FAM186A: variants seen among roughly 807,000 people sequenced by gnomAD.
FAM186A encodes the protein family with sequence similarity 186 member A.
Under a neutral mutation model 216.8 loss-of-function variants are expected in FAM186A, and 163 were observed. The ratio of observed to expected loss-of-function variants is 0.75; its 90% CI spans 0.66 to 0.86. The LOEUF (loss-of-function observed/expected upper bound fraction) is 0.86, where lower values mean the gene tolerates loss of function less well. Ranked by LOEUF, FAM186A falls within the 40% of genes least tolerant of loss-of-function variation. The pLI, the probability that FAM186A is intolerant of heterozygous loss-of-function variation, is 0.00. For missense variants in FAM186A, 2,184 were observed against 2,746.2 expected (o/e 0.80, Z 4.58); for synonymous variants, 805 against 1,025.3 (o/e 0.79, Z 4.10).
rs1333996183 is a variant in FAM186A at position 50,331,723 on chromosome 12, G to T, written c.6795C>A (p.Phe2265Leu). Residue 2265 changes from phenylalanine (F) to leucine (L), a missense_variant, in exon 6 of 8, where the codon TTC (phenylalanine) becomes TTA (leucine). Physicochemically the swap from Phe to Leu is conservative, Grantham distance 22. Coordinates refer to ENST00000327337, the MANE Select transcript of FAM186A (RefSeq NM_001145475.3). The stretch of plus-strand genomic sequence containing the variant: ...TGTCCTCTTCCATTAGTAATTTTAA[G>T]AATGGCTTTTGAACAAATGTGGTAG... ...PASTTFVQKP[F>L]LKLLMEEDRT... The T allele has an allele frequency of 3.9e-6, 6 of 1,549,296 alleles. No individual in the cohort carries two copies. Among genetic ancestry groups the T allele is most frequent in the Admixed American group, 2.0e-5 (1 of 50,316 alleles).
At position 50,350,995 on chromosome 12, in the gene FAM186A, C is replaced by A. The variant is rs1292282006; in HGVS notation, c.5837G>T (p.Ser1946Ile). Residue 1946 changes from serine (S) to isoleucine (I), a missense_variant, in exon 4 of 8, where the codon AGT (serine) becomes ATT (isoleucine). Physicochemically the swap from Ser to Ile is moderately radical, Grantham distance 142. Transcript: ENST00000327337. ...TTTCTTAGCAACAGAAGGGGACCAA[C>A]TTTTCTGGGGCTTTCCAGGGGCTGG... ...PSPAPGKPQK[S>I]WSPSVAKKRL... 1.9e-6 allele frequency: 3 copies of A among 1,551,428 alleles called. No individual in the cohort carries two copies. The Admixed American group carries it at 5.9e-5, about 30-fold the overall frequency.
chr12:50,372,849 C>G (rs1326251436), intron 1 of FAM186A, among the ~76,000 whole-genome samples: 1 of 144,984 alleles, frequency 6.9e-6, no homozygotes, highest in African/African-American at 2.6e-5. Context: ...TACTGTGAGC[C>G]GAGATGGTGC....
At chr12:50,364,500 G>C (rs972204308) in intron 1 of FAM186A, among the ~76,000 whole-genome samples, 1 of 151,900 alleles carries the variant, frequency 6.6e-6, no homozygotes, top group African/African-American at 2.4e-5. Flanking sequence ...GGAGCTTACA[G>C]TGAGCCGAGA....
intron 4 of FAM186A, among the ~76,000 whole-genome samples, chr12:50,344,666 A>G (rs181412317): frequency 6.6e-6 from 1 of 152,196 alleles, no homozygotes; most frequent in Non-Finnish European, 1.5e-5. Context: ...GATCTATTTT[A>G]AGTTCTTCGA....
At chr12:50,332,520 A>G (rs1942665773) in intron 5 of FAM186A, among the ~76,000 whole-genome samples, 1 of 152,026 alleles carries the variant, frequency 6.6e-6, no homozygotes, top group South Asian at 2.1e-4. Context: ...CCTTTCTCCA[A>G]GCCTTGATAC....
rs1224136294 is a variant in FAM186A at position 50,353,513 on chromosome 12, G to C, written c.3319C>G (p.Leu1107Val). Residue 1107 changes from leucine (L) to valine (V), a missense_variant, in exon 4 of 8, where the codon CTA (leucine) becomes GTA (valine). By Grantham distance (32) the Leu-to-Val change is conservative (BLOSUM62 1). Coordinates refer to ENST00000327337, the MANE Select transcript of FAM186A (RefSeq NM_001145475.3). ...ITLTLQQAQELGIPLTPQQAQ... is the reference protein window; with the variant it reads ...ITLTLQQAQEVGIPLTPQQAQ... ...TGCTGAGGGGTGAGAGGGATCCCTA[G>C]TTCCTGGGCCTGCTGAAGGGTGAGC... 6.5e-7 allele frequency: 1 copy of C among 1,537,002 alleles called. No homozygotes were observed. Among genetic ancestry groups the C allele is most frequent in the Non-Finnish European group, 8.8e-7 (1 of 1,140,258 alleles).
Position 50,377,408 on chromosome 12 carries a change from G to A in FAM186A, c.193-14044C>T, listed in dbSNP as rs866710183. ...TCTTGCACAATATTTCAAAAATTTA[G>A]TCAAATGAATCTATGAGCTAAATAT... On this transcript the variant is annotated intron_variant, in intron 1 of 7. Coordinates refer to ENST00000327337, the MANE Select transcript of FAM186A (RefSeq NM_001145475.3). 3.9e-5 allele frequency among the ~76,000 whole-genome samples: 6 copies of A among 152,248 alleles called. No homozygotes were observed. In the South Asian group the frequency reaches 8.3e-4, roughly 21 times the overall value.
At chr12:50,358,147 A>G (rs1021971489) in intron 3 of FAM186A, among the ~76,000 whole-genome samples, 29 of 151,970 alleles carry the variant, frequency 1.9e-4, no homozygotes, top group African/African-American at 6.8e-4. Context: ...TACTAAAATC[A>G]TGATTCATAA....
intron 1 of FAM186A, among the ~76,000 whole-genome samples, chr12:50,371,430 T>C (rs1020691276): frequency 2.6e-5 from 4 of 152,134 alleles, no homozygotes; most frequent in Non-Finnish European, 2.9e-5. Context: ...TTAATTTAAT[T>C]TTAAAATATA....
chr12:50,390,935 C>T (rs1319467943), intron 1 of FAM186A, among the ~76,000 whole-genome samples: 1 of 152,118 alleles, frequency 6.6e-6, no homozygotes, highest in Non-Finnish European at 1.5e-5. Flanking sequence ...AGCAATCCTT[C>T]CACTTTGGAC....
Position 50,363,374 on chromosome 12 carries a change from TAAG to T in FAM186A, c.193-13_193-11del. The T allele has an allele frequency of 6.5e-7, 1 of 1,542,748 alleles. No homozygotes were observed. The highest frequency in any genetic ancestry group is 1.2e-5 in the South Asian group (1 of 83,702). ...GCTGCATATCAATGTCCTGTCAGAA[TAAG>T]AAGGGGGCATGTATTAATCTTCAGT... On this transcript the variant is annotated splice_polypyrimidine_tract_variant and intron_variant, in intron 1 of 7. Coordinates refer to ENST00000327337, the MANE Select transcript of FAM186A (RefSeq NM_001145475.3).
chr12:50,392,333 A>T (rs1943365112), intron 1 of FAM186A: 1 of 156,586 alleles, frequency 6.4e-6, no homozygotes, highest in Non-Finnish European at 1.4e-5. Flanking sequence ...GCTACAGTGC[A>T]CTGGCGCGAT....
intron 4 of FAM186A, among the ~76,000 whole-genome samples, chr12:50,340,063 C>T (rs1278166759): frequency 6.6e-6 from 1 of 152,082 alleles, no homozygotes; most frequent in African/African-American, 2.4e-5. Context: ...GTCTCAAACT[C>T]CTGACCTTAA....
chr12:50,356,225 A>G lies in FAM186A; in HGVS notation c.607T>C (p.Ser203Pro). 6.5e-7 allele frequency: 1 copy of G among 1,549,826 alleles called. No homozygotes were observed. Among genetic ancestry groups the G allele is most frequent in the South Asian group, 1.2e-5 (1 of 83,710 alleles). ...CGTTTTATAACTCTTTCTTTCCAAG[A>G]TTTCCATAGAGTACCTCTAGATACT... ...KILSRGTLWK[S>P]WKERVIKRPS... is the part of the protein sequence containing the mutation. Residue 203 changes from serine to proline, a missense_variant, in exon 4 of 8, where the codon TCT becomes CCT. This residue lies in a region of FAM186A where 1,132 missense variants were observed against 1,263.4 expected (regional missense o/e 0.90). Transcript: ENST00000327337.
rs1943416681 is a variant in FAM186A at position 50,396,606 on chromosome 12, C to G, written c.-122G>C. The G allele has an allele frequency of 1.1e-6, 1 of 921,090 alleles. No homozygotes were observed. The highest frequency in any genetic ancestry group is 1.6e-6 in the Non-Finnish European group (1 of 626,318). 57.1% of individuals were successfully genotyped at this position (921,090 alleles called of 1,614,324 possible). On this transcript the variant is annotated 5_prime_UTR_variant, in exon 1 of 8. Coordinates refer to ENST00000327337, the MANE Select transcript of FAM186A (RefSeq NM_001145475.3). The stretch of plus-strand genomic sequence containing the variant: ...TCCTGATCCTAGAAGTTGTGGCATA[C>G]TCTGCTACTAATTGGTGGCTCCCAT...
In FAM186A at chr12:50,346,262, A is replaced by AAAGAAAGAAAGAAAGAAAGAAAGT. The variant is rs1436973309; in HGVS notation, c.6503+4066_6503+4067insACTTTCTTTCTTTCTTTCTTTCTT. 2.0e-4 allele frequency among the ~76,000 whole-genome samples: 30 copies of AAAGAAAGAAAGAAAGAAAGAAAGT among 150,894 alleles called. No individual in the cohort carries two copies. In the East Asian group the frequency reaches 2.6e-3, roughly 13 times the overall value. ...AAAAGAAAGAAAGAAAGAAAGAAAG[A>AAAGAAAGAAAGAAAGAAAGAAAGT]AAGTCATACAGAATGGAATGTAGTG... On this transcript the variant is annotated intron_variant, in intron 4 of 7. Coordinates refer to ENST00000327337, the MANE Select transcript of FAM186A (RefSeq NM_001145475.3).
chr12:50,367,239 C>G (rs1461749463), intron 1 of FAM186A, among the ~76,000 whole-genome samples: 1 of 151,984 alleles, frequency 6.6e-6, no homozygotes, highest in Non-Finnish European at 1.5e-5. Flanking sequence ...GAAATAAAGG[C>G]CAGACACGGT....
intron 1 of FAM186A, among the ~76,000 whole-genome samples, chr12:50,385,450 A>G (rs1050570892): frequency 5.3e-5 from 8 of 151,030 alleles, no homozygotes; most frequent in Admixed American, 1.3e-4. Context: ...GTATAAAACT[A>G]CTAGAAGGAA....
In FAM186A at chr12:50,352,985, G is replaced by A. The variant is rs1942919692; in HGVS notation, c.3847C>T (p.Gln1283Ter). 1 of 1,533,280 alleles carries A rather than the reference G, an allele frequency of 6.5e-7. No homozygotes were observed. The highest frequency in any genetic ancestry group is 8.8e-7 in the Non-Finnish European group (1 of 1,136,432). The allele number at this position is 1,533,280 out of a possible 1,614,324, so 95.0% of individuals were successfully genotyped here. Residue 1283 changes from glutamine (Q) to a stop codon, truncating the protein, a stop_gained, in exon 4 of 8, where the codon CAG becomes TAG. Coordinates refer to ENST00000327337, the MANE Select transcript of FAM186A (RefSeq NM_001145475.3). LOFTEE classifies it high-confidence loss of function. ...QALGITLTPK[Q>*]AQELGIPLNP... ...AGAGGGATCCCCAATTCCTGAGCCT[G>A]CTTAGGGGTGAGAGTGATCCCCAGG... is the stretch of plus-strand genomic sequence containing the variant.
Sources: allele counts gnomAD v4.1 joint callset (sites outside exome capture counted in the v4.1 genomes callset), GRCh38; gene constraint gnomAD v4.1.1; regional missense constraint gnomAD v4.1.1; transcripts MANE v1.5; gene names NCBI Gene and HGNC (gene_info 2026-07-23, HGNC 2026-07-21).